KIF20B: variants seen among roughly 807,000 people sequenced by gnomAD.
KIF20B encodes kinesin-like protein KIF20B.
Under a neutral mutation model 232.5 loss-of-function variants are expected in KIF20B, and 188 were observed. That is an observed-to-expected ratio of 0.81 (90% CI 0.72 to 0.91). KIF20B has a LOEUF of 0.91. Ranked by LOEUF, KIF20B falls within the 40% of genes least tolerant of loss-of-function variation. The pLI is 0.00. For missense variants in KIF20B, 2,154 were observed against 2,055.9 expected (o/e 1.05, Z -0.92); for synonymous variants, 712 against 683.0 (o/e 1.04, Z -0.66).
chr10:89,738,962 A>G lies in KIF20B; in HGVS notation c.3781A>G (p.Lys1261Glu). ...ETNRQETEKLKEELSASSART... is the reference protein window; with the variant it reads ...ETNRQETEKLEEELSASSART... ...AAAGTGGTTTATGTTTTTTAGATTG[A>G]AAGAGGAACTCTCTGCAAGCTCTGC... Residue 1261 changes from lysine to glutamate, a missense_variant, in exon 21 of 33, where the codon AAA becomes GAA. Physicochemically the swap from Lys to Glu is moderately conservative, Grantham distance 56 (BLOSUM62 1). Coordinates refer to ENST00000371728, the MANE Select transcript of KIF20B (RefSeq NM_001284259.2). 6.2e-7 allele frequency: 1 copy of G among 1,609,412 alleles called. No homozygotes were observed. Among genetic ancestry groups the G allele is most frequent in the Non-Finnish European group, 8.5e-7 (1 of 1,178,730 alleles).
In KIF20B at chr10:89,737,762, G is replaced by C. The variant is rs1489227857; in HGVS notation, c.2921G>C (p.Ser974Thr). ...LSNEIETATR[S>T]ITNNVSQIKL... Reference sequence around the variant, plus strand: ...AATGAGATAGAAACTGCTACAAGAAGCATTACAAATAATGTTTCACAAATA... The same window carrying C: ...AATGAGATAGAAACTGCTACAAGAACCATTACAAATAATGTTTCACAAATA... The change falls in exon 20 of 33, where the codon AGC (serine) becomes ACC (threonine). Residue 974 changes from serine (S) to threonine (T), a missense_variant. Coordinates refer to ENST00000371728, the MANE Select transcript of KIF20B (RefSeq NM_001284259.2). 1.9e-6 allele frequency: 3 copies of C among 1,609,796 alleles called. No homozygotes were observed. The highest frequency in any genetic ancestry group is 1.7e-6 in the Non-Finnish European group (2 of 1,176,916).
intron 29 of KIF20B, among the ~76,000 whole-genome samples, chr10:89,767,901 A>T (rs1255774985): frequency 6.6e-6 from 1 of 152,006 alleles, no homozygotes; most frequent in East Asian, 1.9e-4. Context: ...TATTCCTTCC[A>T]TGTTTTTCAT....
chr10:89,722,808 A>G (rs1843095123), intron 13 of KIF20B, among the ~76,000 whole-genome samples: 1 of 152,190 alleles, frequency 6.6e-6, no homozygotes, highest in East Asian at 1.9e-4. Flanking sequence ...TTATGTATTT[A>G]TAGTAGAGTG....
intron 15 of KIF20B, among the ~76,000 whole-genome samples, chr10:89,726,036 C>A (rs185259353): frequency 2.3e-3 from 344 of 152,238 alleles, no homozygotes; most frequent in African/African-American, 7.8e-3. Context: ...ACTAGGTAAT[C>A]ATAATTGTTC....
intron 14 of KIF20B, among the ~76,000 whole-genome samples, chr10:89,724,356 G>C (rs141322260): frequency 1.3e-4 from 19 of 151,946 alleles, no homozygotes; most frequent in Non-Finnish European, 2.6e-4. Context: ...GTGAAACCTC[G>C]TCTGTACTAA....
intron 17 of KIF20B, among the ~76,000 whole-genome samples, chr10:89,728,823 T>G (rs61870760): frequency 0.044 from 6,628 of 152,100 alleles, 190 homozygotes; most frequent in Middle Eastern, 0.082. Context: ...GGGTGACATA[T>G]TAAAAGGGAT....
intron 31 of KIF20B, among the ~76,000 whole-genome samples, chr10:89,771,341 T>TG (rs1249633317): frequency 6.6e-6 from 1 of 152,120 alleles, no homozygotes; most frequent in African/African-American, 2.4e-5. Context: ...TACTGTCAGC[T>TG]CTTAGTATAG....
intron 21 of KIF20B, among the ~76,000 whole-genome samples, chr10:89,739,520 C>T (rs1373455544): frequency 1.3e-5 from 1 of 74,790 alleles, no homozygotes; most frequent in Non-Finnish European, 2.5e-5. Flanking sequence ...ACTTCCCACT[C>T]CTTCGAGCTG....
At position 89,726,379 on chromosome 10, in the gene KIF20B, T is replaced by C. The variant is rs756064879; in HGVS notation, c.2088T>C (p.Ala696=). 6.4e-7 allele frequency: 1 copy of C among 1,568,942 alleles called. No homozygotes were observed. The highest frequency in any genetic ancestry group is 8.7e-7 in the Non-Finnish European group (1 of 1,154,768). ...VADIKKQAEI[A]HLYIASLPDP... is the part of the protein sequence containing the mutation. ...ATATTAAGAAACAGGCTGAAATTGC[T>C]CACTTATATATTGCATCTCTTCCTG... is the stretch of plus-strand genomic sequence containing the variant. Residue 696 remains alanine (A), a synonymous_variant, in exon 16 of 33, where the codon GCT becomes GCC. Coordinates refer to ENST00000371728, the MANE Select transcript of KIF20B (RefSeq NM_001284259.2).
At chr10:89,733,409 T>G (rs1728673257) in intron 19 of KIF20B, among the ~76,000 whole-genome samples, 1 of 152,180 alleles carries the variant, frequency 6.6e-6, no homozygotes, top group African/African-American at 2.4e-5. Flanking sequence ...CATTCTTTAT[T>G]CATTTGGAGA....
chr10:89,762,568 GAATT>G (rs1842265156), intron 28 of KIF20B, 66 bp from the exon 29 acceptor site: 3 of 1,180,922 alleles, frequency 2.5e-6, no homozygotes, highest in Non-Finnish European at 3.6e-6. Flanking sequence ...GCATTTGAGA[GAATT>G]AATTCTTTGT....
At chr10:89,713,391 T>C (rs1842872506) in intron 6 of KIF20B, among the ~76,000 whole-genome samples, 1 of 150,740 alleles carries the variant, frequency 6.6e-6, no homozygotes, top group Non-Finnish European at 1.5e-5. Context: ...TAACAAGTTA[T>C]CCAGTTAAAA....
chr10:89,751,322 A>G (rs1842017575), intron 23 of KIF20B, 24 bp from the exon 24 acceptor site: 1 of 1,571,522 alleles, frequency 6.4e-7, no homozygotes, highest in African/African-American at 1.4e-5. Flanking sequence ...ATTAATTTCT[A>G]AAATGTTCTC....
chr10:89,759,081 AT>A (rs1842187365), intron 27 of KIF20B, among the ~76,000 whole-genome samples, 199 bp downstream of exon 27: 1 of 151,984 alleles, frequency 6.6e-6, no homozygotes, highest in African/African-American at 2.4e-5. Context: ...GAGATGTAGC[AT>A]TTTCTCCAAT....
At chr10:89,769,395 C>T (rs11815863) in intron 31 of KIF20B, among the ~76,000 whole-genome samples, 6,630 of 151,768 alleles carry the variant, frequency 0.044, 192 homozygotes, top group Middle Eastern at 0.082. Flanking sequence ...GGCTTCAGGC[C>T]GCTAAAAGCC....
At chr10:89,764,263 A>G (rs926038903) in intron 29 of KIF20B, among the ~76,000 whole-genome samples, 7 of 152,026 alleles carry the variant, frequency 4.6e-5, no homozygotes, top group African/African-American at 1.7e-4. Context: ...TCCATGGTGT[A>G]TATGTGCCAC....
chr10:89,739,196 T>A (rs1427035337), intron 21 of KIF20B, 100 bp downstream of exon 21: 2 of 1,274,850 alleles, frequency 1.6e-6, no homozygotes, highest in African/African-American at 3.1e-5. Context: ...AGAACATTTA[T>A]CCACTTTATA....
chr10:89,710,700 G>T (rs1280460586), intron 5 of KIF20B, among the ~76,000 whole-genome samples: 1 of 152,156 alleles, frequency 6.6e-6, no homozygotes, highest in Admixed American at 6.5e-5. Flanking sequence ...TATAGTTTGT[G>T]ATTATGGGTG....
intron 26 of KIF20B, among the ~76,000 whole-genome samples, chr10:89,757,640 T>C (rs1398349165): frequency 6.6e-6 from 1 of 152,006 alleles, no homozygotes; most frequent in African/African-American, 2.4e-5. Flanking sequence ...CATATTTAGA[T>C]ACTAGAATTG....
Sources: gnomAD v4.1 joint callset for allele counts (sites outside exome capture counted in the v4.1 genomes callset) on GRCh38, gnomAD v4.1.1 for gene constraint, MANE v1.5 for transcripts, NCBI Gene and HGNC (gene_info 2026-07-23, HGNC 2026-07-21) for gene names.